PCCA: variants seen among roughly 807,000 people sequenced by gnomAD.
PCCA encodes the protein propionyl-CoA carboxylase alpha chain, mitochondrial.
In PCCA, 74 loss-of-function variants were observed where a neutral mutation model predicts 101.3. That is an observed-to-expected ratio of 0.73 (90% CI 0.61 to 0.89). PCCA has a LOEUF of 0.89. Ranked by LOEUF, PCCA falls within the 40% of genes least tolerant of loss-of-function variation. The pLI is 0.00. For missense variants in PCCA, 891 were observed against 907.0 expected (o/e 0.98, Z 0.23); for synonymous variants, 294 against 313.6 (o/e 0.94, Z 0.66).
intron 21 of PCCA, among the ~76,000 whole-genome samples, chr13:100,497,530 T>C (rs1475919329): frequency 6.6e-6 from 1 of 151,878 alleles, no homozygotes; most frequent in Non-Finnish European, 1.5e-5. Flanking sequence ...TAGCAGATAC[T>C]ATCACAGCTG....
At chr13:100,267,386 TTG>T (rs2063010571) in intron 10 of PCCA, among the ~76,000 whole-genome samples, 1 of 152,338 alleles carries the variant, frequency 6.6e-6, no homozygotes, top group South Asian at 2.1e-4. Context: ...CAGAAAGGGT[TTG>T]TTCCTAAAAA....
intron 19 of PCCA, among the ~76,000 whole-genome samples, chr13:100,388,263 G>A (rs936901957): frequency 2.0e-5 from 3 of 152,148 alleles, no homozygotes; most frequent in African/African-American, 7.2e-5. Flanking sequence ...GAGCCTGGGA[G>A]TTGGAGACCA....
chr13:100,324,525 TAG>T (rs1266419085), intron 16 of PCCA, among the ~76,000 whole-genome samples: 1 of 152,170 alleles, frequency 6.6e-6, no homozygotes, highest in Non-Finnish European at 1.5e-5. Context: ...ATAAAATATA[TAG>T]AGATACTAGT....
At position 100,309,887 on chromosome 13, in the gene PCCA, C is replaced by G. The variant is rs1566911871; in HGVS notation, c.1408C>G (p.Leu470Val). The change falls in exon 16 of 24, where the codon CTG becomes GTG. Residue 470 changes from leucine to valine, a missense_variant. By Grantham distance (32) the Leu-to-Val change is conservative (BLOSUM62 1). Transcript: ENST00000376285. Reference protein sequence around the residue: ...TEALKRMADALDNYVIRGVTH... With the variant: ...TEALKRMADAVDNYVIRGVTH... ...GGCACTGAAGAGAATGGCAGATGCACTGGATAACTATGTTATTCGAGGTAA... is the reference window on the plus strand; with the variant it reads ...GGCACTGAAGAGAATGGCAGATGCAGTGGATAACTATGTTATTCGAGGTAA... 2 of 1,612,296 alleles carry G rather than the reference C, an allele frequency of 1.2e-6. No homozygotes were observed. The highest frequency in any genetic ancestry group is 1.7e-5 in the Admixed American group (1 of 60,016).
intron 12 of PCCA, among the ~76,000 whole-genome samples, chr13:100,277,850 T>G (rs1391935407): frequency 6.6e-6 from 1 of 152,232 alleles, no homozygotes; most frequent in Admixed American, 6.5e-5. Flanking sequence ...AATTTTAATC[T>G]GTAAGTTATA....
intron 9 of PCCA, among the ~76,000 whole-genome samples, chr13:100,262,248 C>G (rs959444458): frequency 6.6e-6 from 1 of 152,010 alleles, no homozygotes; most frequent in African/African-American, 2.4e-5. Flanking sequence ...TAAAAATTAG[C>G]CGGGCGTGGT....
In PCCA at chr13:100,184,780, A is replaced by AT. The variant is rs541502395; in HGVS notation, c.469-24545dup. 7.8e-3 allele frequency among the ~76,000 whole-genome samples: 1,180 copies of AT among 152,238 alleles called. 16 individuals carry two copies. The highest frequency in any genetic ancestry group is 0.027 in the African/African-American group (1,125 of 41,526). On this transcript the variant is annotated intron_variant, in intron 6 of 23. Coordinates refer to ENST00000376285, the MANE Select transcript of PCCA (RefSeq NM_000282.4). ...GTCACGAAGTATTACTCTGCTTTTG[A>AT]TTTTTTTCAACTATTTAAAAACATA...
chr13:100,440,156 TTATATATATATATA>T (rs398024171), intron 20 of PCCA, among the ~76,000 whole-genome samples: 4,777 of 92,536 alleles, frequency 0.052, 167 homozygotes, highest in Middle Eastern at 0.062. Flanking sequence ...GAGTATTAAA[TTATATATATATATA>T]TATATATATA....
chr13:100,404,754 A>G (rs561717440), intron 19 of PCCA, among the ~76,000 whole-genome samples: 29 of 152,160 alleles, frequency 1.9e-4, no homozygotes, highest in African/African-American at 6.5e-4. Flanking sequence ...AGAATCATCC[A>G]CTCTTACCCA....
intron 7 of PCCA, among the ~76,000 whole-genome samples, chr13:100,235,466 A>G (rs1221173067): frequency 6.6e-6 from 1 of 152,162 alleles, no homozygotes; most frequent in African/African-American, 2.4e-5. Context: ...GGAAAACATG[A>G]CACATAATAT....
intron 12 of PCCA, among the ~76,000 whole-genome samples, chr13:100,290,102 G>T (rs915814347): frequency 6.6e-6 from 1 of 152,184 alleles, no homozygotes; most frequent in Non-Finnish European, 1.5e-5. Flanking sequence ...ATGAATTTCA[G>T]CTGTGTTCTA....
chr13:100,383,425 T>A, intron 19 of PCCA, among the ~76,000 whole-genome samples: 1 of 151,958 alleles, frequency 6.6e-6, no homozygotes, highest in Admixed American at 6.6e-5. Context: ...CCAGGAGGTC[T>A]AGACCAGCCC....
intron 18 of PCCA, among the ~76,000 whole-genome samples, chr13:100,362,526 C>T (rs2074733186): frequency 6.6e-6 from 1 of 152,112 alleles, no homozygotes; most frequent in Non-Finnish European, 1.5e-5. Flanking sequence ...ATGGAGGTCA[C>T]ACAGCTTTTG....
At chr13:100,519,597 T>G (rs1373125993) in intron 22 of PCCA, among the ~76,000 whole-genome samples, 1 of 152,240 alleles carries the variant, frequency 6.6e-6, no homozygotes, top group Non-Finnish European at 1.5e-5. Flanking sequence ...CCCAAGCAGG[T>G]GTGCAGTCAG....
At chr13:100,459,836 G>T (rs1595996138) in intron 21 of PCCA, among the ~76,000 whole-genome samples, 1 of 152,206 alleles carries the variant, frequency 6.6e-6, no homozygotes, top group Non-Finnish European at 1.5e-5. Context: ...AGCAGATTCA[G>T]TTCCTGGTGA....
chr13:100,122,682 A>G lies in PCCA; in HGVS notation c.300+10621A>G, dbSNP rs147283026. On this transcript the variant is annotated intron_variant, in intron 4 of 23. Coordinates refer to ENST00000376285, the MANE Select transcript of PCCA (RefSeq NM_000282.4). ...TTTCATTCCTAAATTTAGACATTTG[A>G]GCCTTCCCTTTTTTCTTGGTCACTG... Among the ~76,000 whole-genome samples the G allele has an allele frequency of 6.0e-3, 917 of 152,180 alleles. 5 individuals carry two copies. Among genetic ancestry groups the G allele is most frequent in the Non-Finnish European group, 0.01 (693 of 68,016 alleles).
At chr13:100,163,047 T>C (rs1482690343) in intron 6 of PCCA, among the ~76,000 whole-genome samples, 2 of 152,192 alleles carry the variant, frequency 1.3e-5, no homozygotes, top group East Asian at 3.9e-4. Context: ...GAATGCGATG[T>C]GGAATACTAA....
intron 19 of PCCA, among the ~76,000 whole-genome samples, chr13:100,372,561 T>C (rs2152817227): frequency 6.6e-6 from 1 of 152,290 alleles, no homozygotes; most frequent in East Asian, 1.9e-4. Flanking sequence ...AAATTTTCCA[T>C]TCTAAACACT....
intron 20 of PCCA, among the ~76,000 whole-genome samples, chr13:100,444,873 T>TG (rs2080699971): frequency 1.9e-5 from 1 of 52,718 alleles, no homozygotes; most frequent in African/African-American, 2.1e-4. Context: ...TTAAAATTTG[T>TG]AATTGGTTTT....
Sources: gnomAD v4.1 joint callset for allele counts (sites outside exome capture counted in the v4.1 genomes callset) on GRCh38, gnomAD v4.1.1 for gene constraint, MANE v1.5 for transcripts, NCBI Gene and HGNC (gene_info 2026-07-23, HGNC 2026-07-21) for gene names.